The following RBFOX1 variants were observed in gnomAD, a reference collection of about 807,000 sequenced individuals.
The protein encoded by RBFOX1 is RNA binding protein fox-1 homolog 1.
RBFOX1 carries 8 observed loss-of-function variants against 57.7 expected under a neutral mutation model. That is an observed-to-expected ratio of 0.14 (90% CI 0.08 to 0.25). The LOEUF is 0.25. Ranked by LOEUF, RBFOX1 falls within the 10% of genes least tolerant of loss-of-function variation. The pLI is 1.00. For missense variants in RBFOX1, 611 were observed against 548.5 expected (o/e 1.11, Z -1.14); for synonymous variants, 326 against 222.4 (o/e 1.47, Z -4.15).
In RBFOX1 at chr16:5,388,165, C is replaced by T. The variant is rs575900155; in HGVS notation, c.220-79051C>T. Among the ~76,000 whole-genome samples the T allele has an allele frequency of 2.0e-5, 3 of 152,302 alleles. 1 individual carries two copies. In the South Asian group the frequency reaches 6.2e-4, roughly 32 times the overall value. ...GATAGTACATTTGTGTTTTAAGCCA[C>T]TAATTTGCATGAATTTGTGACAGCA... is the stretch of plus-strand genomic sequence containing the variant. On this transcript the variant is annotated intron_variant, in intron 1 of 2. Coordinates refer to the RBFOX1 transcript ENST00000585867.
At position 7,234,649 on chromosome 16, in the gene RBFOX1, T is replaced by G. The variant is rs116328649; in HGVS notation, c.27+182551T>G. Among the ~76,000 whole-genome samples, 1,262 of 146,108 alleles carry G rather than the reference T, an allele frequency of 8.6e-3. 15 individuals carry two copies. Among genetic ancestry groups the G allele is most frequent in the Middle Eastern group, 0.036 (10 of 278 alleles). On this transcript the variant is annotated intron_variant, in intron 4 of 15. Coordinates refer to ENST00000550418, the MANE Select transcript of RBFOX1 (RefSeq NM_018723.4). ...ATGTGCTTGTGTATATGTGTGTGTT[T>G]GTGTGTATGTATATATGTATACATA...
At chr16:6,791,216 C>G (rs948986824) in intron 3 of RBFOX1, among the ~76,000 whole-genome samples, 3 of 152,122 alleles carry the variant, frequency 2.0e-5, no homozygotes, top group East Asian at 1.9e-4. Context: ...CTGTTCTTGT[C>G]TATCTTTATA....
chr16:7,445,342 C>T (rs1445714884), intron 4 of RBFOX1, among the ~76,000 whole-genome samples: 1 of 152,158 alleles, frequency 6.6e-6, no homozygotes, highest in African/African-American at 2.4e-5. Context: ...CCCCGCTACT[C>T]CTCTCTTAAT....
rs373672579 is a variant in RBFOX1, at chr16:6,985,607, C to A, written c.-15-66450C>A. On this transcript the variant is annotated intron_variant, in intron 3 of 15. Coordinates refer to ENST00000550418, the MANE Select transcript of RBFOX1 (RefSeq NM_018723.4). The stretch of plus-strand genomic sequence containing the variant: ...CTTTGGGAGGCCAAGGTGGGTGGAT[C>A]ATTTGAGGTCAGGAGTTAGAGAACA... 1.4e-4 allele frequency among the ~76,000 whole-genome samples: 22 copies of A among 152,262 alleles called. No individual in the cohort carries two copies. The East Asian group carries it at 2.1e-3, about 15-fold the overall frequency.
chr16:6,047,988 C>T (rs2095513177), intron 1 of RBFOX1, among the ~76,000 whole-genome samples: 1 of 152,136 alleles, frequency 6.6e-6, no homozygotes. Context: ...CAAGGAAATA[C>T]TCAGTTATTA....
At chr16:5,884,840 T>C (rs1461253080) in intron 4 of RBFOX1, among the ~76,000 whole-genome samples, 1 of 152,084 alleles carries the variant, frequency 6.6e-6, no homozygotes, top group Non-Finnish European at 1.5e-5. Context: ...GGGGCTTTGG[T>C]GCTCTGGAGG....
chr16:6,117,028 G>A (rs987889562), intron 1 of RBFOX1, among the ~76,000 whole-genome samples: 4 of 152,164 alleles, frequency 2.6e-5, no homozygotes, highest in African/African-American at 9.7e-5. Context: ...TAGGGTGTGT[G>A]TCCAAGATTT....
intron 4 of RBFOX1, among the ~76,000 whole-genome samples, chr16:7,061,500 A>G (rs769497209): frequency 1.3e-5 from 2 of 152,204 alleles, no homozygotes; most frequent in Non-Finnish European, 2.9e-5. Flanking sequence ...GCTGAATCTT[A>G]TAATTCACAT....
At chr16:6,193,391 A>AATATATATATAT (rs1567650996) in intron 1 of RBFOX1, among the ~76,000 whole-genome samples, 4 of 15,742 alleles carry the variant, frequency 2.5e-4, no homozygotes, top group South Asian at 3.4e-3. Flanking sequence ...ATATATATAT[A>AATATATATATAT]CTATATATAT....
chr16:5,817,663 G>T (rs547336345), intron 3 of RBFOX1, among the ~76,000 whole-genome samples: 63 of 151,792 alleles, frequency 4.2e-4, no homozygotes, highest in African/African-American at 1.4e-3. Context: ...TGGAGATGCC[G>T]ACAGGGTGCC....
At chr16:6,436,935 G>A (rs762855037) in intron 2 of RBFOX1, among the ~76,000 whole-genome samples, 1 of 152,142 alleles carries the variant, frequency 6.6e-6, no homozygotes. Context: ...CAGTCGATGG[G>A]CATAGACATA....
chr16:7,148,587 C>T (rs940810604), intron 4 of RBFOX1, among the ~76,000 whole-genome samples: 2 of 152,190 alleles, frequency 1.3e-5, no homozygotes, highest in African/African-American at 4.8e-5. Context: ...GGAGATTTTC[C>T]AAGTTTGATT....
At chr16:7,350,154 T>A (rs181333381) in intron 4 of RBFOX1, among the ~76,000 whole-genome samples, 4,644 of 149,822 alleles carry the variant, frequency 0.031, 100 homozygotes, top group Non-Finnish European at 0.047. Context: ...CTAAAAAATT[T>A]AAAAAAAAAA....
intron 1 of RBFOX1, among the ~76,000 whole-genome samples, chr16:6,210,329 C>G (rs28548823): frequency 6.1e-5 from 1 of 16,396 alleles, no homozygotes; most frequent in African/African-American, 2.2e-4. Context: ...AAAAAAAAAA[C>G]AAAAAAACAA....
intron 4 of RBFOX1, among the ~76,000 whole-genome samples, chr16:7,308,220 A>G (rs954763001): frequency 2.0e-5 from 3 of 151,624 alleles, no homozygotes; most frequent in Non-Finnish European, 2.9e-5. Flanking sequence ...ATGGTAAGGT[A>G]TGGTGAGGCA....
At chr16:5,819,278 C>G (rs987303225) in intron 3 of RBFOX1, among the ~76,000 whole-genome samples, 1 of 152,190 alleles carries the variant, frequency 6.6e-6, no homozygotes, top group Non-Finnish European at 1.5e-5. Flanking sequence ...TCTCTGGGAT[C>G]TCTTTTATAA....
intron 4 of RBFOX1, among the ~76,000 whole-genome samples, chr16:5,994,407 C>G (rs1452243233): frequency 6.6e-6 from 1 of 152,192 alleles, no homozygotes; most frequent in Non-Finnish European, 1.5e-5. Context: ...GGTGATCTCC[C>G]TGCTTTGGCT....
At chr16:5,860,083 C>T (rs914522340) in intron 3 of RBFOX1, among the ~76,000 whole-genome samples, 7 of 152,032 alleles carry the variant, frequency 4.6e-5, no homozygotes, top group Admixed American at 2.6e-4. Context: ...TGGACACTGT[C>T]AGCATTTCTT....
At chr16:6,737,578 G>C (rs1355613355) in intron 3 of RBFOX1, among the ~76,000 whole-genome samples, 1 of 152,168 alleles carries the variant, frequency 6.6e-6, no homozygotes, top group Non-Finnish European at 1.5e-5. Flanking sequence ...CTGCTTCTAG[G>C]ATGTGTTTTC....
Sources: gnomAD v4.1 joint callset for allele counts (sites outside exome capture counted in the v4.1 genomes callset) on GRCh38, gnomAD v4.1.1 for gene constraint, MANE v1.5 for transcripts, NCBI Gene and HGNC (gene_info 2026-07-23, HGNC 2026-07-21) for gene names.